Variants in SYNE1 observed in about 807,000 individuals in gnomAD.
SYNE1 encodes the protein nesprin-1.
Under a neutral mutation model 1,111.0 loss-of-function variants are expected in SYNE1, and 616 were observed. The ratio of observed to expected loss-of-function variants is 0.55; its 90% confidence interval spans 0.52 to 0.59. The LOEUF is 0.59. Ranked by LOEUF, SYNE1 falls within the 20% of genes least tolerant of loss-of-function variation. The pLI is 0.00. For missense variants in SYNE1, 10,006 were observed against 10,417.0 expected (o/e 0.96, Z 1.72); for synonymous variants, 3,855 against 3,825.8 (o/e 1.01, Z -0.28).
intron 98 of SYNE1, 45 bp downstream of exon 98, chr6:152,278,031 AGGAGCACGTGAAC>A: frequency 6.3e-7 from 1 of 1,590,710 alleles, no homozygotes; most frequent in Admixed American, 1.7e-5. Context: ...AAACCTTAGA[AGGAGCACGTGAAC>A]AGTGTGCCAA....
In SYNE1 at chr6:152,407,188, C is replaced by G. The variant is rs144797998; in HGVS notation, c.6549G>C (p.Glu2183Asp). The G allele has an allele frequency of 1.3e-4, 203 of 1,613,742 alleles. 1 individual carries two copies. Among genetic ancestry groups the G allele is most frequent in the Non-Finnish European group, 1.6e-4 (192 of 1,179,926 alleles). Residue 2183 changes from glutamate (E) to aspartate (D), a missense_variant, in exon 45 of 146, where the codon GAG (glutamate) becomes GAC (aspartate). Glu to Asp is a conservative substitution (Grantham distance 45). Around this residue, in one of 7 missense-constraint regions of SYNE1, gnomAD observed 4,955 missense variants for 5,017.2 expected, o/e 0.99. Transcript: ENST00000367255. ...STVDKWLDVS[E>D]KLEENMDRLR... The stretch of plus-strand genomic sequence containing the variant: ...GCCTATCCATGTTTTCTTCAAGTTT[C>G]TCTGATACCTAGGAGAGAAACAGAA...
intron 130 of SYNE1, chr6:152,168,328 GTC>G (rs1373802382): frequency 8.4e-6 from 5 of 598,664 alleles, no homozygotes; most frequent in Non-Finnish European, 1.2e-5. Flanking sequence ...AATGTTGGTA[GTC>G]TCTGCCCGAT....
At chr6:152,259,675 C>T (rs1010050645) in intron 101 of SYNE1, among the ~76,000 whole-genome samples, 3 of 152,008 alleles carry the variant, frequency 2.0e-5, no homozygotes, top group African/African-American at 4.8e-5. Context: ...ACGTTGTTAG[C>T]GATGTTAACA....
At position 152,456,043 on chromosome 6, in the gene SYNE1, TCCTATAACGAAATGAAA is replaced by T; in HGVS notation, c.2569-16_2569del. Reference sequence around the variant, plus strand: ...ACAGTTTTCTTGACAAGCTAACAGTTCCTATAACGAAATGAAACCCCACAACAATGTTATTTACAAGA... The same window carrying T: ...ACAGTTTTCTTGACAAGCTAACAGTTCCCCACAACAATGTTATTTACAAGA... On this transcript the variant is annotated splice_acceptor_variant and splice_polypyrimidine_tract_variant and coding_sequence_variant and intron_variant, in exon 23 of 146. Coordinates refer to ENST00000367255, the MANE Select transcript of SYNE1 (RefSeq NM_182961.4). LOFTEE classifies it high-confidence loss of function. 1.2e-6 allele frequency: 2 copies of T among 1,612,592 alleles called. No homozygotes were observed. The highest frequency in any genetic ancestry group is 1.7e-6 in the Non-Finnish European group (2 of 1,179,876).
At chr6:152,551,235 C>G (rs1354800230) in intron 3 of SYNE1, among the ~76,000 whole-genome samples, 1 of 152,132 alleles carries the variant, frequency 6.6e-6, no homozygotes, top group Non-Finnish European at 1.5e-5. Context: ...TCACAAATAA[C>G]CTGCCACGTA....
intron 75 of SYNE1, among the ~76,000 whole-genome samples, chr6:152,338,548 G>C (rs1364090767): frequency 6.6e-6 from 1 of 152,192 alleles, no homozygotes; most frequent in Non-Finnish European, 1.5e-5. Flanking sequence ...CTGAGCCCAG[G>C]AGGTTGAGGC....
rs2152523347 is a variant in SYNE1, at chr6:152,122,309, G to A, written c.*127C>T. ...ATAATTTGCACACATGTGATCTGGA[G>A]GAGGGCTAAAGCTGCCACACCGAGG... is the stretch of plus-strand genomic sequence containing the variant. On this transcript the variant is annotated 3_prime_UTR_variant, in exon 146 of 146. Transcript: ENST00000367255. The A allele has an allele frequency of 1.4e-6, 2 of 1,472,272 alleles. No individual in the cohort carries two copies. The highest frequency in any genetic ancestry group is 1.9e-6 in the Non-Finnish European group (2 of 1,058,220). 91.2% of individuals were successfully genotyped at this position (1,472,272 alleles called of 1,614,324 possible). A position where few individuals can be genotyped will look rare whatever the true frequency, so the allele number is the denominator to read the frequency against.
At chr6:152,265,790 G>A (rs772882836) in intron 100 of SYNE1, among the ~76,000 whole-genome samples, 3 of 151,828 alleles carry the variant, frequency 2.0e-5, no homozygotes, top group South Asian at 2.1e-4. Flanking sequence ...ATCAACCCTC[G>A]ACAAGTAACA....
rs560117550 is a variant in SYNE1 at position 152,261,156 on chromosome 6, T to A, written c.18972+876A>T. Among the ~76,000 whole-genome samples, 5 of 152,348 alleles carry A rather than the reference T, an allele frequency of 3.3e-5. No homozygotes were observed. In the South Asian group the frequency reaches 1.0e-3, roughly 32 times the overall value. On this transcript the variant is annotated intron_variant, in intron 101 of 145. Transcript: ENST00000367255. Reference sequence around the variant, plus strand: ...CTGGCCAGAGCAGAGAAACAGCAGCTTCCGCAGAGCAACAGGAAAGGTTTT... The same window carrying A: ...CTGGCCAGAGCAGAGAAACAGCAGCATCCGCAGAGCAACAGGAAAGGTTTT...
chr6:152,498,611 G>T, intron 11 of SYNE1, 131 bp downstream of exon 11: 2 of 536,782 alleles, frequency 3.7e-6, no homozygotes, highest in East Asian at 3.3e-5. Context: ...GAAAGGAAAC[G>T]CAAATGATGT....
intron 113 of SYNE1, 124 bp downstream of exon 113, chr6:152,231,992 C>T: frequency 2.9e-6 from 2 of 699,176 alleles, no homozygotes; most frequent in Non-Finnish European, 4.9e-6. Flanking sequence ...TATTGAATTC[C>T]TATCTGGTCA....
At chr6:152,423,288 T>A (rs1029836263) in intron 39 of SYNE1, among the ~76,000 whole-genome samples, 8 of 152,230 alleles carry the variant, frequency 5.3e-5, no homozygotes, top group African/African-American at 1.9e-4. Flanking sequence ...ATTCTGTATG[T>A]CAAATGTATG....
At chr6:152,290,628 G>A (rs1489031781) in intron 95 of SYNE1, among the ~76,000 whole-genome samples, 2 of 152,050 alleles carry the variant, frequency 1.3e-5, no homozygotes, top group East Asian at 3.9e-4. Flanking sequence ...AAATTCAGTA[G>A]TTTAGACAAG....
chr6:152,207,664 T>G (rs1308590718), intron 125 of SYNE1, among the ~76,000 whole-genome samples: 1 of 152,352 alleles, frequency 6.6e-6, no homozygotes, highest in East Asian at 1.9e-4. Context: ...ATAAAATGTA[T>G]GCAAGCAACA....
chr6:152,449,679 C>G (rs369324148), intron 27 of SYNE1, 38 bp from the exon 28 acceptor site: 26 of 1,428,668 alleles, frequency 1.8e-5, no homozygotes, highest in Middle Eastern at 1.7e-4. Flanking sequence ...AAAGGGAGAA[C>G]ATACCAGAAT....
At position 152,430,643 on chromosome 6, in the gene SYNE1, AAG is replaced by A; in HGVS notation, c.4526_4527del (p.Ser1509PhefsTer14). ...TCTCCAGTGGTAACAAACTGAGCAA[AAG>A]ACTGGGCTTCTTCTTCTAATCCTAC... ...SIVGLEEEAQ[S>X]FAQFVTTGES... On this transcript the variant is annotated frameshift_variant, in exon 35 of 146. Transcript: ENST00000367255. LOFTEE classifies it high-confidence loss of function. 6.2e-7 allele frequency: 1 copy of A among 1,614,100 alleles called. No individual in the cohort carries two copies. The highest frequency in any genetic ancestry group is 8.5e-7 in the Non-Finnish European group (1 of 1,179,996).
chr6:152,256,158 C>G (rs371435177), intron 102 of SYNE1, among the ~76,000 whole-genome samples: 48 of 152,078 alleles, frequency 3.2e-4, no homozygotes, highest in African/African-American at 1.1e-3. Flanking sequence ...CGGTGGCTCG[C>G]GCCTGTAATC....
chr6:152,289,510 C>A (rs2094479505), intron 95 of SYNE1, among the ~76,000 whole-genome samples: 1 of 152,230 alleles, frequency 6.6e-6, no homozygotes, highest in Non-Finnish European at 1.5e-5. Context: ...GCTGTCTCAG[C>A]CTCCTGAGTA....
chr6:152,479,303 G>T (rs1269779619), intron 14 of SYNE1, among the ~76,000 whole-genome samples: 4 of 152,198 alleles, frequency 2.6e-5, no homozygotes, highest in Admixed American at 2.6e-4. Context: ...AAATCTTCAA[G>T]AAAGGAAGGC....
Sources: allele counts gnomAD v4.1 joint callset (sites outside exome capture counted in the v4.1 genomes callset), GRCh38; gene constraint gnomAD v4.1.1; regional missense constraint gnomAD v4.1.1; transcripts MANE v1.5; gene names NCBI Gene and HGNC (gene_info 2026-07-23, HGNC 2026-07-21).